The following CAPZA2 variants were observed in gnomAD, a reference collection of about 807,000 sequenced individuals.
CAPZA2 encodes F-actin-capping protein subunit alpha-2.
A neutral mutation model predicts 44.0 loss-of-function variants in CAPZA2; 13 were observed. That is an observed-to-expected ratio of 0.30 (90% CI 0.19 to 0.47). The LOEUF (loss-of-function observed/expected upper bound fraction) is 0.47, where lower values mean the gene tolerates loss of function less well. Among genes scored for constraint, CAPZA2 ranks in the 20% least tolerant of loss-of-function variants. CAPZA2 has a pLI of 1.00. For missense variants in CAPZA2, 244 were observed against 338.6 expected (o/e 0.72, Z 2.19); for synonymous variants, 94 against 108.2 (o/e 0.87, Z 0.81).
chr7:116,868,322 G>C (rs1045684795), intron 1 of CAPZA2, among the ~76,000 whole-genome samples: 3 of 152,186 alleles, frequency 2.0e-5, no homozygotes, highest in African/African-American at 7.2e-5. Flanking sequence ...GTGATGAATA[G>C]GATGGCTGTA....
rs569386278 is a variant in CAPZA2, at chr7:116,917,964, G to C, written c.*97G>C. The C allele has an allele frequency of 6.6e-6, 6 of 905,988 alleles. No individual in the cohort carries two copies. The African/African-American group carries it at 9.9e-5, about 15-fold the overall frequency. 56.1% of individuals were successfully genotyped at this position (905,988 alleles called of 1,614,324 possible). A position where few individuals can be genotyped will look rare whatever the true frequency, so the allele number is the denominator to read the frequency against. On this transcript the variant is annotated 3_prime_UTR_variant, in exon 10 of 10. Coordinates refer to ENST00000361183, the MANE Select transcript of CAPZA2 (RefSeq NM_006136.3). The stretch of plus-strand genomic sequence containing the variant: ...GTCAAGCTGCCCAGTCAGATGGGCT[G>C]TTGCCATTTAAAATCACTGTAATTA...
intron 1 of CAPZA2, among the ~76,000 whole-genome samples, chr7:116,880,563 A>G (rs973488838): frequency 2.0e-5 from 3 of 151,570 alleles, no homozygotes; most frequent in Non-Finnish European, 2.9e-5. Context: ...GTGCCCAGCT[A>G]ATTTTTGTAT....
intron 1 of CAPZA2, among the ~76,000 whole-genome samples, chr7:116,878,769 A>T (rs1176821920): frequency 1.3e-5 from 2 of 152,204 alleles, no homozygotes; most frequent in Non-Finnish European, 2.9e-5. Context: ...GCCACTCTTG[A>T]ACAGTGTAGG....
At chr7:116,889,352 C>G (rs1796801863) in intron 2 of CAPZA2, among the ~76,000 whole-genome samples, 1 of 152,134 alleles carries the variant, frequency 6.6e-6, no homozygotes, top group Non-Finnish European at 1.5e-5. Flanking sequence ...TCTTCAGTTT[C>G]CGTTTTTTAA....
chr7:116,887,936 T>C (rs748826157), intron 1 of CAPZA2, among the ~76,000 whole-genome samples, 191 bp from the exon 2 acceptor site: 7 of 152,268 alleles, frequency 4.6e-5, no homozygotes, highest in Non-Finnish European at 7.3e-5. Flanking sequence ...ACATTCAGTC[T>C]GTATGTTGTG....
chr7:116,910,434 A>C, intron 7 of CAPZA2, 123 bp downstream of exon 7: 1 of 611,808 alleles, frequency 1.6e-6, no homozygotes, highest in Non-Finnish European at 2.9e-6. Flanking sequence ...GTTTTGGGGT[A>C]ATGGGAAAAA....
chr7:116,889,360 T>A (rs78945247), intron 2 of CAPZA2, among the ~76,000 whole-genome samples: 8,394 of 152,272 alleles, frequency 0.055, 793 homozygotes, highest in African/African-American at 0.19. Context: ...TTCCGTTTTT[T>A]AAACATTCTA....
At chr7:116,917,627 C>A in intron 9 of CAPZA2, 100 bp from the exon 10 acceptor site, 1 of 847,650 alleles carries the variant, frequency 1.2e-6, no homozygotes, top group Non-Finnish European at 2.0e-6. Flanking sequence ...AACAGTGAAA[C>A]AGGCTGCTTA....
At chr7:116,889,713 G>T (rs540200593) in intron 2 of CAPZA2, among the ~76,000 whole-genome samples, 2 of 152,224 alleles carry the variant, frequency 1.3e-5, no homozygotes, top group African/African-American at 4.8e-5. Flanking sequence ...ATGATTTAGT[G>T]CATACAATTA....
intron 1 of CAPZA2, among the ~76,000 whole-genome samples, chr7:116,872,854 C>T (rs972043495): frequency 7.9e-5 from 12 of 152,200 alleles, no homozygotes; most frequent in African/African-American, 2.9e-4. Context: ...AGACTAGACA[C>T]TTCAAATTTT....
intron 3 of CAPZA2, among the ~76,000 whole-genome samples, chr7:116,894,788 A>G (rs1300483617): frequency 6.6e-6 from 1 of 152,190 alleles, no homozygotes; most frequent in East Asian, 1.9e-4. Flanking sequence ...TACTTAGCCT[A>G]ATATCTTCAA....
At position 116,917,051 on chromosome 7, in the gene CAPZA2, A is replaced by T. The variant is rs565394039; in HGVS notation, c.721-676A>T. Among the ~76,000 whole-genome samples the T allele has an allele frequency of 3.3e-5, 5 of 152,310 alleles. No individual in the cohort carries two copies. The East Asian group carries it at 9.6e-4, about 29-fold the overall frequency. ...CTTTTTATATTATTTATCAGCTTCT[A>T]AACTACACTCTTGAATTGAACCATT... On this transcript the variant is annotated intron_variant, in intron 9 of 9. Transcript: ENST00000361183.
At chr7:116,863,376 C>A (rs1018008189) in intron 1 of CAPZA2, among the ~76,000 whole-genome samples, 7 of 151,988 alleles carry the variant, frequency 4.6e-5, no homozygotes, top group African/African-American at 1.4e-4. Flanking sequence ...TGGCAGCAGC[C>A]CCCCCCCGGG....
At chr7:116,871,397 A>G (rs1037944492) in intron 1 of CAPZA2, among the ~76,000 whole-genome samples, 12 of 152,374 alleles carry the variant, frequency 7.9e-5, no homozygotes, top group Admixed American at 2.0e-4. Context: ...TACCTACTCT[A>G]TGCCAGGGAC....
chr7:116,863,445 T>G (rs1796443699), intron 1 of CAPZA2, among the ~76,000 whole-genome samples: 1 of 152,226 alleles, frequency 6.6e-6, no homozygotes, highest in Admixed American at 6.5e-5. Flanking sequence ...GGGGAAAATG[T>G]GCAACTCCTT....
chr7:116,900,850 A>G lies in CAPZA2; in HGVS notation c.219+2015A>G, dbSNP rs1796985177. Among the ~76,000 whole-genome samples, 4 of 152,254 alleles carry G rather than the reference A, an allele frequency of 2.6e-5. No homozygotes were observed. In the South Asian group the frequency reaches 8.3e-4, roughly 32 times the overall value. On this transcript the variant is annotated intron_variant, in intron 4 of 9. Coordinates refer to ENST00000361183, the MANE Select transcript of CAPZA2 (RefSeq NM_006136.3). ...AAGCGCATTAAAAAGTGGGCAAAGGATATGAACAGACACTTTTCCAAAGCA... is the reference window on the plus strand; with the variant it reads ...AAGCGCATTAAAAAGTGGGCAAAGGGTATGAACAGACACTTTTCCAAAGCA...
intron 3 of CAPZA2, among the ~76,000 whole-genome samples, chr7:116,894,883 G>T (rs1386926779): frequency 6.6e-6 from 1 of 151,936 alleles, no homozygotes; most frequent in Non-Finnish European, 1.5e-5. Flanking sequence ...AGCACATTTT[G>T]TTTATCCGTT....
At chr7:116,885,211 A>T (rs1210262977) in intron 1 of CAPZA2, among the ~76,000 whole-genome samples, 1 of 151,112 alleles carries the variant, frequency 6.6e-6, no homozygotes. Context: ...AGTCTTCCAC[A>T]GAGCAGGTTT....
At chr7:116,869,157 TAA>T (rs1796518282) in intron 1 of CAPZA2, among the ~76,000 whole-genome samples, 1 of 152,254 alleles carries the variant, frequency 6.6e-6, no homozygotes, top group African/African-American at 2.4e-5. Context: ...AAAAATTTGT[TAA>T]AGTTATTATA....
Sources: allele counts gnomAD v4.1 joint callset (sites outside exome capture counted in the v4.1 genomes callset), GRCh38; gene constraint gnomAD v4.1.1; transcripts MANE v1.5; gene names NCBI Gene and HGNC (gene_info 2026-07-23, HGNC 2026-07-21).